The following ARL17A variants were observed in gnomAD, a reference collection of about 807,000 sequenced individuals.
ARL17A encodes the protein ADP-ribosylation factor-like 17-like.
At chr17:46,530,115 C>G (rs538927005) in intron 4 of ARL17A, among the ~76,000 whole-genome samples, 1 of 139,224 alleles carries the variant, frequency 7.2e-6, no homozygotes, top group South Asian at 2.3e-4. Context: ...TGGTCTCAAA[C>G]TCCTGGGCTC....
At chr17:46,520,849 C>T (rs987001270) in intron 3 of ARL17A, among the ~76,000 whole-genome samples, 2 of 62,816 alleles carry the variant, frequency 3.2e-5, no homozygotes, top group African/African-American at 1.0e-4. Flanking sequence ...ATGGAGACCA[C>T]CTGCATTCAT....
At chr17:46,533,509 T>C (rs2054047889) in intron 4 of ARL17A, among the ~76,000 whole-genome samples, 1 of 146,918 alleles carries the variant, frequency 6.8e-6, no homozygotes, top group South Asian at 2.1e-4. Flanking sequence ...TTTTTTTTTT[T>C]TCTTTATTTT....
chr17:46,533,499 T>A, intron 4 of ARL17A, among the ~76,000 whole-genome samples: 1 of 147,048 alleles, frequency 6.8e-6, no homozygotes, highest in African/African-American at 2.7e-5. Context: ...TCTTTTTCTT[T>A]TTTTTTTTTT....
chr17:46,500,455 G>A, the ARL17A span, among the ~76,000 whole-genome samples: 2 of 149,338 alleles, frequency 1.3e-5, no homozygotes, highest in African/African-American at 2.5e-5. Flanking sequence ...GTAGATTTGA[G>A]TTGCATTTGG....
chr17:46,568,593 A>C (rs1446142259), intron 3 of ARL17A, among the ~76,000 whole-genome samples: 5 of 96,392 alleles, frequency 5.2e-5, no homozygotes, highest in African/African-American at 2.2e-4. Context: ...GCTTGAGCCC[A>C]GGAGTTTGAG....
At chr17:46,529,805 A>G (rs2053395076) in intron 4 of ARL17A, among the ~76,000 whole-genome samples, 1 of 115,912 alleles carries the variant, frequency 8.6e-6, no homozygotes, top group Non-Finnish European at 1.9e-5. Context: ...TTAGTCAAGA[A>G]AAGAATGCCT....
intron 3 of ARL17A, among the ~76,000 whole-genome samples, chr17:46,539,795 T>A (rs112519928): frequency 0.08 from 9,764 of 121,934 alleles, 1 homozygote; most frequent in Middle Eastern, 0.14. Context: ...AAAAAATAGA[T>A]GAACAACTTG....
At chr17:46,545,687 CT>C (rs1703012163) in intron 3 of ARL17A, among the ~76,000 whole-genome samples, 1 of 118,198 alleles carries the variant, frequency 8.5e-6, no homozygotes, top group African/African-American at 4.0e-5. Context: ...CCTCCTCTTT[CT>C]TTTTCAATAT....
chr17:46,530,681 TC>T (rs2053565578), intron 4 of ARL17A, among the ~76,000 whole-genome samples: 2 of 67,728 alleles, frequency 3.0e-5, no homozygotes, highest in African/African-American at 1.2e-4. Context: ...AGTGTACAAT[TC>T]AGTGGTGGTT....
the ARL17A span, among the ~76,000 whole-genome samples, chr17:46,501,161 T>TA: frequency 6.6e-6 from 1 of 151,186 alleles, no homozygotes; most frequent in Non-Finnish European, 1.5e-5. Flanking sequence ...AGTAGCTAGG[T>TA]ACAAGCCACC....
At chr17:46,541,864 G>A (rs532175851) in intron 3 of ARL17A, among the ~76,000 whole-genome samples, 1 of 150,414 alleles carries the variant, frequency 6.6e-6, no homozygotes, top group East Asian at 1.9e-4. Context: ...GTATCTGCAG[G>A]GGGTCCTGGA....
At chr17:46,501,074 G>C in the ARL17A span, among the ~76,000 whole-genome samples, 5 of 151,292 alleles carry the variant, frequency 3.3e-5, no homozygotes, top group African/African-American at 1.2e-4. Flanking sequence ...AATTTTTTTA[G>C]AGACAGAATA....
chr17:46,505,288 AGAAG>A, the ARL17A span, among the ~76,000 whole-genome samples: 1 of 102,396 alleles, frequency 9.8e-6, no homozygotes, highest in Admixed American at 9.9e-5. Flanking sequence ...CGTAGGAGGA[AGAAG>A]GAAGTAATGT....
chr17:46,534,415 C>T (rs1290376930), intron 4 of ARL17A, among the ~76,000 whole-genome samples: 2 of 148,048 alleles, frequency 1.4e-5, no homozygotes, highest in Non-Finnish European at 1.5e-5. Context: ...GAGCATGCTG[C>T]TTTCAAGCAT....
chr17:46,560,644 C>A (rs1486015343), intron 3 of ARL17A: 2 of 34,320 alleles, frequency 5.8e-5, no homozygotes, highest in African/African-American at 3.1e-4. Flanking sequence ...GAACTCAGCT[C>A]ACTGCAAGTC....
At chr17:46,529,268 CA>C (rs969463423) in intron 4 of ARL17A, among the ~76,000 whole-genome samples, 1 of 107,524 alleles carries the variant, frequency 9.3e-6, no homozygotes, top group Non-Finnish European at 2.2e-5. Flanking sequence ...TGTTCTACAG[CA>C]AAAGGCTTGT....
At chr17:46,501,331 A>G in the ARL17A span, among the ~76,000 whole-genome samples, 7 of 151,038 alleles carry the variant, frequency 4.6e-5, no homozygotes, top group Admixed American at 4.6e-4. Flanking sequence ...ATGCACCACC[A>G]TGCCTGGCTA....
chr17:46,539,768 C>CAAAAAAAAAAAAAAAAAAAAAAAAAAA (rs1204528686), intron 3 of ARL17A, among the ~76,000 whole-genome samples: 1 of 67,036 alleles, frequency 1.5e-5, no homozygotes. Flanking sequence ...GACTCCATCT[C>CAAAAAAAAAAAAAAAAAAAAAAAAAAA]AAAAAAAAAA....
chr17:46,534,893 C>T lies in ARL17A; in HGVS notation c.335+3458G>A, dbSNP rs1218366702. 7.4e-5 allele frequency among the ~76,000 whole-genome samples: 11 copies of T among 149,424 alleles called. 1 individual carries two copies. Among genetic ancestry groups the T allele is most frequent in the African/African-American group, 1.8e-4 (7 of 39,310 alleles). ...GGGGCTCCTCACTTCTCAGACGGGGCGGCTGCTGGGCGGAGGGGCTCCTCA... is the reference window on the plus strand; with the variant it reads ...GGGGCTCCTCACTTCTCAGACGGGGTGGCTGCTGGGCGGAGGGGCTCCTCA... On this transcript the variant is annotated intron_variant, in intron 4 of 4. Transcript: ENST00000329240.
Sources: gnomAD v4.1 joint callset for allele counts (sites outside exome capture counted in the v4.1 genomes callset) on GRCh38, gnomAD v4.1.1 for gene constraint, MANE v1.5 for transcripts, NCBI Gene and HGNC (gene_info 2026-07-23, HGNC 2026-07-21) for gene names.